RHOT1: variants seen among roughly 807,000 people sequenced by gnomAD.
The protein encoded by RHOT1 is ras homolog family member T1.
A neutral mutation model predicts 95.3 loss-of-function variants in RHOT1; 27 were observed. The observed-to-expected ratio is 0.28, with a 90% CI of 0.21 to 0.39. RHOT1 has a LOEUF of 0.39. Among genes scored for constraint, RHOT1 ranks in the 10% least tolerant of loss-of-function variants. The pLI is 1.00. For missense variants in RHOT1, 578 were observed against 786.7 expected (o/e 0.73, Z 3.17); for synonymous variants, 227 against 263.5 (o/e 0.86, Z 1.34).
At chr17:32,193,895 G>C in intron 10 of RHOT1, 92 bp from the exon 11 acceptor site, 3 of 1,450,460 alleles carry the variant, frequency 2.1e-6, no homozygotes, top group Middle Eastern at 3.6e-4. Flanking sequence ...GCTAGCATCC[G>C]TATGTTCATG....
At chr17:32,208,007 T>C in intron 17 of RHOT1, 100 bp from the exon 18 acceptor site, 1 of 1,040,992 alleles carries the variant, frequency 9.6e-7, no homozygotes, top group South Asian at 1.5e-5. Flanking sequence ...TTGAAACTAC[T>C]GTTGCTTTGC....
chr17:32,174,508 G>T (rs572377718), intron 3 of RHOT1, among the ~76,000 whole-genome samples: 1 of 152,248 alleles, frequency 6.6e-6, no homozygotes, highest in South Asian at 2.1e-4. Flanking sequence ...AATATGTGTA[G>T]CCATATAATT....
intron 1 of RHOT1, among the ~76,000 whole-genome samples, chr17:32,168,734 T>G (rs1251709004): frequency 2.6e-5 from 4 of 151,964 alleles, no homozygotes; most frequent in Non-Finnish European, 5.9e-5. Context: ...ATTAGCAATA[T>G]TTTTTAAAGT....
intron 9 of RHOT1, 27 bp downstream of exon 9, chr17:32,192,326 G>T: frequency 2.9e-6 from 3 of 1,046,026 alleles, no homozygotes; most frequent in Non-Finnish European, 4.2e-6. Flanking sequence ...TCAGACATTT[G>T]CGTATCTTTT....
At chr17:32,213,581 A>G in intron 19 of RHOT1, among the ~76,000 whole-genome samples, 1 of 152,214 alleles carries the variant, frequency 6.6e-6, no homozygotes, top group East Asian at 1.9e-4. Flanking sequence ...ATCAGTATAT[A>G]ATTTCTTCCA....
At chr17:32,166,187 C>CA (rs200254466) in intron 1 of RHOT1, among the ~76,000 whole-genome samples, 4,388 of 106,440 alleles carry the variant, frequency 0.041, 78 homozygotes, top group African/African-American at 0.059. Context: ...GACTCTATCT[C>CA]AAAAAAAAAA....
intron 1 of RHOT1, among the ~76,000 whole-genome samples, chr17:32,166,106 T>C (rs1345446296): frequency 6.6e-6 from 1 of 151,212 alleles, no homozygotes; most frequent in Non-Finnish European, 1.5e-5. Context: ...GAAAATCGCT[T>C]GAACCTGGGT....
chr17:32,147,396 C>T (rs2031519734), intron 1 of RHOT1, among the ~76,000 whole-genome samples: 2 of 152,002 alleles, frequency 1.3e-5, no homozygotes, highest in South Asian at 2.1e-4. Context: ...GAGGTTAAGG[C>T]GGGAGACTTG....
intron 19 of RHOT1, among the ~76,000 whole-genome samples, chr17:32,217,104 A>G (rs2038522598): frequency 6.6e-6 from 1 of 152,236 alleles, no homozygotes; most frequent in South Asian, 2.1e-4. Context: ...ATCTTTAAGT[A>G]TCACTAGTTA....
At chr17:32,159,731 A>T (rs913043070) in intron 1 of RHOT1, 15 of 152,642 alleles carry the variant, frequency 9.8e-5, no homozygotes, top group African/African-American at 3.6e-4. Flanking sequence ...GGCACTGGCG[A>T]GCATGGGAGG....
chr17:32,208,079 G>A, intron 17 of RHOT1, 28 bp from the exon 18 acceptor site: 1 of 1,592,628 alleles, frequency 6.3e-7, no homozygotes, highest in Non-Finnish European at 8.6e-7. Flanking sequence ...CTTGTTATCA[G>A]ATTTTGATTT....
At chr17:32,181,068 T>C (rs1032083207) in intron 6 of RHOT1, among the ~76,000 whole-genome samples, 4 of 152,212 alleles carry the variant, frequency 2.6e-5, no homozygotes, top group African/African-American at 9.6e-5. Context: ...GTCGGTCTTT[T>C]CAAGCATAAT....
At chr17:32,220,580 A>G (rs1342156034) in intron 19 of RHOT1, among the ~76,000 whole-genome samples, 2 of 152,106 alleles carry the variant, frequency 1.3e-5, no homozygotes, top group Non-Finnish European at 2.9e-5. Context: ...CACTCCTGTA[A>G]TCCCAGCACT....
At chr17:32,212,358 A>G (rs780163713) in intron 19 of RHOT1, among the ~76,000 whole-genome samples, 2 of 152,244 alleles carry the variant, frequency 1.3e-5, no homozygotes, top group East Asian at 3.8e-4. Context: ...TAAGAATGCA[A>G]CCATCTCAGG....
chr17:32,200,049 C>T (rs993645605), intron 13 of RHOT1, among the ~76,000 whole-genome samples: 8 of 149,860 alleles, frequency 5.3e-5, no homozygotes, highest in Admixed American at 2.0e-4. Flanking sequence ...TCAAGCCATT[C>T]TCCTGCCTCA....
intron 3 of RHOT1, among the ~76,000 whole-genome samples, chr17:32,174,251 A>G (rs2034814109): frequency 6.6e-6 from 1 of 152,250 alleles, no homozygotes; most frequent in African/African-American, 2.4e-5. Flanking sequence ...AGGATGTAAA[A>G]TATGTCATTA....
At chr17:32,192,694 TAG>T (rs2036584755) in intron 9 of RHOT1, among the ~76,000 whole-genome samples, 1 of 149,436 alleles carries the variant, frequency 6.7e-6, no homozygotes, top group Non-Finnish European at 1.5e-5. Context: ...GTTTTTGAGA[TAG>T]AGTCTCGCTC....
chr17:32,150,345 C>G, intron 1 of RHOT1: 1 of 347,372 alleles, frequency 2.9e-6, no homozygotes, highest in East Asian at 4.4e-5. Flanking sequence ...TGAACTTTTG[C>G]TGCTAATGAA....
intron 1 of RHOT1, among the ~76,000 whole-genome samples, chr17:32,162,412 CAT>C (rs958849453): frequency 2.6e-5 from 4 of 152,192 alleles, no homozygotes; most frequent in African/African-American, 9.6e-5. Context: ...GAAATTTTAA[CAT>C]TTTATTTTTT....
Sources: allele counts gnomAD v4.1 joint callset (sites outside exome capture counted in the v4.1 genomes callset), GRCh38; gene constraint gnomAD v4.1.1; transcripts MANE v1.5; gene names NCBI Gene and HGNC (gene_info 2026-07-23, HGNC 2026-07-21).